FBN1: variants seen among roughly 807,000 people sequenced by gnomAD.
The protein encoded by FBN1 is fibrillin-1.
Under a neutral mutation model 365.1 loss-of-function variants are expected in FBN1, and 29 were observed. The ratio of observed to expected loss-of-function variants is 0.08; its 90% CI spans 0.06 to 0.11. The LOEUF (loss-of-function observed/expected upper bound fraction) is 0.11. FBN1 is among the 10% of genes least tolerant of loss of function. The probability of loss-of-function intolerance (pLI) is 1.00; values close to 1 mark genes in which losing one functional copy is unlikely to be tolerated. For missense variants in FBN1, 2,476 were observed against 3,703.2 expected (o/e 0.67, Z 8.60); for synonymous variants, 1,210 against 1,270.5 (o/e 0.95, Z 1.01).
intron 10 of FBN1, among the ~76,000 whole-genome samples, chr15:48,517,413 G>A (rs2043814649): frequency 6.6e-6 from 1 of 152,140 alleles, no homozygotes; most frequent in Non-Finnish European, 1.5e-5. Context: ...TGGCCCATAA[G>A]GGAGGAGAAA....
chr15:48,619,713 T>TA (rs1384135872), intron 2 of FBN1, among the ~76,000 whole-genome samples: 3 of 151,968 alleles, frequency 2.0e-5, no homozygotes, highest in Non-Finnish European at 4.4e-5. Flanking sequence ...TTTTTTTTTT[T>TA]ACCAACCCAA....
rs1052480459 is a variant in FBN1 at position 48,437,837 on chromosome 15, C to G, written c.6244G>C (p.Glu2082Gln). The G allele has an allele frequency of 6.2e-7, 1 of 1,613,774 alleles. No homozygotes were observed. Among genetic ancestry groups the G allele is most frequent in the African/African-American group, 1.3e-5 (1 of 74,900 alleles). The change falls in exon 51 of 66, where the codon GAA becomes CAA. Residue 2082 changes from glutamate (E) to glutamine (Q), a missense_variant. Physicochemically the swap from Glu to Gln is conservative, Grantham distance 29. This residue lies in a region of FBN1 where 1,780 missense variants were observed against 2,840.8 expected (regional missense o/e 0.63). Transcript: ENST00000316623. Reference sequence around the variant, plus strand: ...TCTCCCTTCAAGGCACAGCAGCATTCCTGCTTGGAGTGATTTCTGGATTTG... The same window carrying G: ...TCTCCCTTCAAGGCACAGCAGCATTGCTGCTTGGAGTGATTTCTGGATTTG... The part of the protein sequence containing the change: ...SPKSRNHSKQ[E>Q]CCCALKGEGW...
At chr15:48,562,147 G>A (rs545503884) in intron 6 of FBN1, among the ~76,000 whole-genome samples, 7 of 152,198 alleles carry the variant, frequency 4.6e-5, no homozygotes, top group Non-Finnish European at 8.8e-5. Flanking sequence ...TGTGACCCCT[G>A]GTTAGTAAGC....
intron 22 of FBN1, among the ~76,000 whole-genome samples, chr15:48,494,612 A>C (rs1401878439): frequency 1.3e-5 from 2 of 152,202 alleles, no homozygotes. Flanking sequence ...GAATATAGAA[A>C]ACTCAAGTCT....
chr15:48,523,879 C>A (rs1034788382), intron 9 of FBN1, among the ~76,000 whole-genome samples: 1 of 152,126 alleles, frequency 6.6e-6, no homozygotes, highest in South Asian at 2.1e-4. Context: ...AGACATCTGG[C>A]GAAGAGGAGG....
At chr15:48,429,815 T>A (rs1183427391) in intron 56 of FBN1, among the ~76,000 whole-genome samples, 1 of 152,270 alleles carries the variant, frequency 6.6e-6, no homozygotes, top group African/African-American at 2.4e-5. Context: ...GGATTCTTAA[T>A]CTTCTTGAAT....
intron 2 of FBN1, among the ~76,000 whole-genome samples, chr15:48,622,834 C>G (rs1192684266): frequency 1.3e-5 from 2 of 152,156 alleles, no homozygotes; most frequent in African/African-American, 4.8e-5. Flanking sequence ...CTGACACACA[C>G]TAAAACCAGA....
At chr15:48,583,832 T>C (rs2044415280) in intron 6 of FBN1, among the ~76,000 whole-genome samples, 1 of 152,220 alleles carries the variant, frequency 6.6e-6, no homozygotes, top group Non-Finnish European at 1.5e-5. Flanking sequence ...TAGCCTTCAT[T>C]ACAACTGCAA....
At chr15:48,461,859 T>C (rs2043282373) in intron 42 of FBN1, among the ~76,000 whole-genome samples, 1 of 152,216 alleles carries the variant, frequency 6.6e-6, no homozygotes, top group Non-Finnish European at 1.5e-5. Flanking sequence ...TTCATGTAAC[T>C]TTCATATTAT....
Position 48,474,556 on chromosome 15 carries a change from C to A in FBN1, c.4059G>T (p.Gly1353=), listed in dbSNP as rs886038250. The change falls in exon 33 of 66, where the codon GGG becomes GGT. Residue 1353 remains glycine (G), a synonymous_variant. Coordinates refer to ENST00000316623, the MANE Select transcript of FBN1 (RefSeq NM_000138.5). ...AGSFKCSCSP[G]WIGDGIKCTD... ...TGCACTTAATGCCATCTCCAATCCA[C>A]CCGGGACTGCAGCTACATTTGAAGC... 51 of 1,614,080 alleles carry A rather than the reference C, an allele frequency of 3.2e-5. No individual in the cohort carries two copies. Among genetic ancestry groups the A allele is most frequent in the Non-Finnish European group, 4.2e-5 (50 of 1,180,024 alleles).
At chr15:48,610,534 T>C (rs2044648382) in intron 4 of FBN1, among the ~76,000 whole-genome samples, 194 bp downstream of exon 4, 1 of 152,100 alleles carries the variant, frequency 6.6e-6, no homozygotes, top group African/African-American at 2.4e-5. Flanking sequence ...GTAATTTTCC[T>C]ATAAAGAGTA....
rs552850929 is a variant in FBN1 at position 48,598,483 on chromosome 15, T to C, written c.442+1656A>G. On this transcript the variant is annotated intron_variant, in intron 5 of 65. Transcript: ENST00000316623. The stretch of plus-strand genomic sequence containing the variant: ...ACTTTGGAAGAAAACATAGTATGTA[T>C]AAAGGCATCAAAACCTGGCCCATGA... Among the ~76,000 whole-genome samples the C allele has an allele frequency of 4.6e-5, 7 of 152,330 alleles. No homozygotes were observed. In the South Asian group the frequency reaches 1.2e-3, roughly 27 times the overall value.
chr15:48,619,404 G>T (rs1267065595), intron 2 of FBN1, among the ~76,000 whole-genome samples: 1 of 152,066 alleles, frequency 6.6e-6, no homozygotes, highest in African/African-American at 2.4e-5. Flanking sequence ...GTAGATTGGT[G>T]ACTCTATTAC....
At chr15:48,507,556 A>C (rs77307814) in intron 15 of FBN1, among the ~76,000 whole-genome samples, 164 of 152,316 alleles carry the variant, frequency 1.1e-3, no homozygotes, top group African/African-American at 3.8e-3. Flanking sequence ...TAAACAACCA[A>C]GGGCTTGAAG....
intron 12 of FBN1, among the ~76,000 whole-genome samples, chr15:48,514,146 G>A (rs2043783455): frequency 6.6e-6 from 1 of 152,156 alleles, no homozygotes; most frequent in Non-Finnish European, 1.5e-5. Context: ...AATCACCACA[G>A]AGTCTCCCCC....
chr15:48,472,458 TAAAAAAAAAA>T (rs67860867), intron 35 of FBN1, 83 bp downstream of exon 35: 3 of 1,181,956 alleles, frequency 2.5e-6, no homozygotes, highest in South Asian at 1.3e-5. Context: ...CACCTCAGTT[TAAAAAAAAAA>T]AAAAAAAAAA....
chr15:48,503,069 G>T (rs2141314692), intron 17 of FBN1, among the ~76,000 whole-genome samples: 1 of 152,212 alleles, frequency 6.6e-6, no homozygotes, highest in East Asian at 1.9e-4. Flanking sequence ...GGAGGCCGAG[G>T]CAGGTGGATC....
At chr15:48,551,841 T>C (rs1196689059) in intron 6 of FBN1, among the ~76,000 whole-genome samples, 1 of 152,150 alleles carries the variant, frequency 6.6e-6, no homozygotes, top group Non-Finnish European at 1.5e-5. Context: ...CTTGCAAAGT[T>C]CCCTTTTATG....
intron 2 of FBN1, among the ~76,000 whole-genome samples, chr15:48,614,777 T>G (rs1889619121): frequency 6.6e-6 from 1 of 152,144 alleles, no homozygotes; most frequent in African/African-American, 2.4e-5. Flanking sequence ...TGTGTATATA[T>G]GTCAAATAAT....
Sources: gnomAD v4.1 joint callset for allele counts (sites outside exome capture counted in the v4.1 genomes callset) on GRCh38, gnomAD v4.1.1 for gene constraint, gnomAD v4.1.1 regional missense constraint, MANE v1.5 for transcripts, NCBI Gene and HGNC (gene_info 2026-07-23, HGNC 2026-07-21) for gene names.